Variants in CAPRIN1 observed in about 807,000 individuals in gnomAD.
CAPRIN1 encodes the protein cell cycle associated protein 1.
Under a neutral mutation model 100.9 loss-of-function variants are expected in CAPRIN1, and 29 were observed. That is an observed-to-expected ratio of 0.29 (90% CI 0.21 to 0.39). The LOEUF is 0.39. Ranked by LOEUF, CAPRIN1 falls within the 10% of genes least tolerant of loss-of-function variation. CAPRIN1 has a pLI of 1.00. For synonymous variants in CAPRIN1, 338 were observed against 307.5 expected (o/e 1.10, Z -1.04); for missense variants, 795 against 876.7 (o/e 0.91, Z 1.18).
At position 34,101,407 on chromosome 11, in the gene CAPRIN1, T is replaced by G. The variant is rs1851451981; in HGVS notation, c.*2040T>G. On this transcript the variant is annotated 3_prime_UTR_variant, in exon 19 of 19. Coordinates refer to ENST00000341394, the MANE Select transcript of CAPRIN1 (RefSeq NM_005898.5). ...GCTATCTGTGTAGAAAATAATTTCA[T>G]GACATTTACAATCAGGACTGAAGTA... is the stretch of plus-strand genomic sequence containing the variant. 2.6e-5 allele frequency among the ~76,000 whole-genome samples: 4 copies of G among 152,188 alleles called. No homozygotes were observed. Among genetic ancestry groups the G allele is most frequent in the Admixed American group, 2.6e-4 (4 of 15,280 alleles).
intron 17 of CAPRIN1, 106 bp downstream of exon 17, chr11:34,097,402 G>A: frequency 1.1e-6 from 1 of 950,412 alleles, no homozygotes; most frequent in East Asian, 2.5e-5. Context: ...CGTTAACTTT[G>A]TGGTGTCCAA....
Position 34,102,148 on chromosome 11 carries a change from G to A in CAPRIN1, c.*2781G>A, listed in dbSNP as rs774550958. 3.3e-5 allele frequency among the ~76,000 whole-genome samples: 5 copies of A among 152,062 alleles called. No individual in the cohort carries two copies. Among genetic ancestry groups the A allele is most frequent in the African/African-American group, 4.8e-5 (2 of 41,402 alleles). Reference sequence around the variant, plus strand: ...GTCTCCTTTTATATGCAGCTCTTACGTGGGAGACTTTTCCACTTAAAGGAG... The same window carrying A: ...GTCTCCTTTTATATGCAGCTCTTACATGGGAGACTTTTCCACTTAAAGGAG... On this transcript the variant is annotated 3_prime_UTR_variant, in exon 19 of 19. Coordinates refer to ENST00000341394, the MANE Select transcript of CAPRIN1 (RefSeq NM_005898.5).
chr11:34,098,003 A>G (rs1383899139), intron 18 of CAPRIN1: 3 of 1,190,546 alleles, frequency 2.5e-6, no homozygotes, highest in Non-Finnish European at 3.1e-6. Context: ...CTCTTCTCAG[A>G]AAAAGTGTTT....
chr11:34,093,268 C>T (rs536746736), intron 15 of CAPRIN1, among the ~76,000 whole-genome samples: 1 of 151,238 alleles, frequency 6.6e-6, no homozygotes, highest in East Asian at 1.9e-4. Flanking sequence ...TAATCAGATA[C>T]TGGAGCCTTT....
At chr11:34,094,141 C>G (rs550776579) in intron 15 of CAPRIN1, among the ~76,000 whole-genome samples, 2 of 151,894 alleles carry the variant, frequency 1.3e-5, no homozygotes, top group African/African-American at 2.4e-5. Flanking sequence ...TTGCTTGAGG[C>G]CAGGCGTTCA....
chr11:34,052,233 C>A (rs1222618271), intron 1 of CAPRIN1, 188 bp from the exon 2 acceptor site: 9 of 203,080 alleles, frequency 4.4e-5, no homozygotes, highest in South Asian at 1.8e-4. Flanking sequence ...CCGGGCGCCC[C>A]GCTGGCGGGT....
At chr11:34,080,179 T>C (rs558943314) in intron 7 of CAPRIN1, among the ~76,000 whole-genome samples, 3 of 152,262 alleles carry the variant, frequency 2.0e-5, no homozygotes, top group African/African-American at 7.2e-5. Context: ...CGCCTCGGCC[T>C]CCCAAAGTGC....
intron 2 of CAPRIN1, among the ~76,000 whole-genome samples, chr11:34,057,664 A>T (rs570910922): frequency 6.6e-6 from 1 of 152,122 alleles, no homozygotes; most frequent in South Asian, 2.1e-4. Flanking sequence ...ACTTATAGCA[A>T]TTTTGTCATA....
At chr11:34,085,531 A>G (rs1191468063) in intron 9 of CAPRIN1, among the ~76,000 whole-genome samples, 2 of 152,224 alleles carry the variant, frequency 1.3e-5, no homozygotes, top group South Asian at 2.1e-4. Context: ...GAGGCTGGGC[A>G]TGGTGGCTCA....
chr11:34,097,601 T>G, intron 17 of CAPRIN1, 97 bp from the exon 18 acceptor site: 1 of 1,381,372 alleles, frequency 7.2e-7, no homozygotes. Flanking sequence ...TCTAAAAGAT[T>G]AAGGAAGAAT....
intron 15 of CAPRIN1, among the ~76,000 whole-genome samples, chr11:34,094,351 C>T (rs1360456610): frequency 2.6e-5 from 4 of 152,142 alleles, no homozygotes; most frequent in Admixed American, 6.5e-5. Flanking sequence ...CCACCATTCC[C>T]GGCCTGATAT....
chr11:34,083,628 A>T (rs1425489337), intron 9 of CAPRIN1, among the ~76,000 whole-genome samples: 1 of 152,204 alleles, frequency 6.6e-6, no homozygotes, highest in East Asian at 1.9e-4. Flanking sequence ...TACCTGTAAG[A>T]TACAGTCTAA....
chr11:34,078,755 T>C (rs1011197022), intron 6 of CAPRIN1, among the ~76,000 whole-genome samples: 1 of 152,188 alleles, frequency 6.6e-6, no homozygotes, highest in Non-Finnish European at 1.5e-5. Flanking sequence ...ACATCTTTTG[T>C]ATAGGACTTT....
At chr11:34,062,656 A>G (rs60039286) in intron 2 of CAPRIN1, among the ~76,000 whole-genome samples, 32 of 151,856 alleles carry the variant, frequency 2.1e-4, no homozygotes, top group African/African-American at 7.0e-4. Context: ...AAACTGCTAA[A>G]GATTATGGAA....
chr11:34,099,216 A>G, intron 18 of CAPRIN1, 87 bp from the exon 19 acceptor site: 1 of 1,563,212 alleles, frequency 6.4e-7, no homozygotes, highest in African/African-American at 1.4e-5. Flanking sequence ...GGCTGCCCAC[A>G]TGCTTCTTGA....
At chr11:34,098,447 G>A (rs779138938) in intron 18 of CAPRIN1, 5 of 985,184 alleles carry the variant, frequency 5.1e-6, no homozygotes, top group Non-Finnish European at 6.0e-6. Flanking sequence ...TTAACAATTA[G>A]AGCTAGCATT....
At chr11:34,065,138 A>G (rs975345649) in intron 2 of CAPRIN1, among the ~76,000 whole-genome samples, 2 of 150,956 alleles carry the variant, frequency 1.3e-5, no homozygotes, top group African/African-American at 2.4e-5. Context: ...TTTTTTTTGT[A>G]TTTTTAGTAG....
chr11:34,052,713 C>T (rs966991784), intron 2 of CAPRIN1, 77 bp downstream of exon 2: 12 of 1,479,926 alleles, frequency 8.1e-6, no homozygotes, highest in African/African-American at 2.8e-5. Flanking sequence ...TCGCTGGAGC[C>T]TTCGCTTCTT....
chr11:34,098,570 A>G (rs754479257), intron 18 of CAPRIN1: 26 of 985,226 alleles, frequency 2.6e-5, no homozygotes, highest in Non-Finnish European at 3.0e-5. Flanking sequence ...AGGAATTACA[A>G]CGTACTTTGA....
Sources: gnomAD v4.1 joint callset for allele counts (sites outside exome capture counted in the v4.1 genomes callset) on GRCh38, gnomAD v4.1.1 for gene constraint, MANE v1.5 for transcripts, NCBI Gene and HGNC (gene_info 2026-07-23, HGNC 2026-07-21) for gene names.